IL1RAPL1: variants seen among roughly 807,000 people sequenced by gnomAD.
The protein encoded by IL1RAPL1 is interleukin-1 receptor accessory protein-like 1.
Under a neutral mutation model 48.4 loss-of-function variants are expected in IL1RAPL1, and 3 were observed. The ratio of observed to expected loss-of-function variants is 0.06; its 90% CI spans 0.03 to 0.16. The LOEUF (loss-of-function observed/expected upper bound fraction) is 0.16. Ranked by LOEUF, IL1RAPL1 falls within the 10% of genes least tolerant of loss-of-function variation. The pLI, the probability that IL1RAPL1 is intolerant of heterozygous loss-of-function variation, is 1.00. For synonymous variants in IL1RAPL1, 185 were observed against 187.7 expected, an observed-to-expected ratio of 0.99 and a Z score of 0.12; for missense variants, 349 against 530.6, an observed-to-expected ratio of 0.66 and a Z score of 3.36.
chrX:29,218,149 T>C (rs941520137), intron 2 of IL1RAPL1, among the ~76,000 whole-genome samples: 6 of 111,835 alleles, frequency 5.4e-5, no homozygotes, highest in African/African-American at 1.9e-4. Flanking sequence ...TAGTGCAGGA[T>C]TATGCTGAAG....
At position 28,897,518 on chromosome X, in the gene IL1RAPL1, A is replaced by T. The variant is rs189730907; in HGVS notation, c.82+108093A>T. On this transcript the variant is annotated intron_variant, in intron 2 of 10. Coordinates refer to ENST00000378993, the MANE Select transcript of IL1RAPL1 (RefSeq NM_014271.4). ...TGAAAGGAGAAAGAGGTTGAGGGAT[A>T]GTGAGAGAGGTTGGAGAAGAGAATA... 8.0e-5 allele frequency among the ~76,000 whole-genome samples: 9 copies of T among 111,813 alleles called. No individual in the cohort carries two copies. The East Asian group carries it at 2.6e-3, about 32-fold the overall frequency.
intron 5 of IL1RAPL1, among the ~76,000 whole-genome samples, chrX:29,540,259 T>C (rs1404255346): frequency 4.0e-5 from 4 of 100,586 alleles, no homozygotes; most frequent in African/African-American, 1.7e-4. Flanking sequence ...TGTAAAATAT[T>C]GCAAAAAAAA....
At chrX:29,731,506 C>G (rs1332419160) in intron 6 of IL1RAPL1, among the ~76,000 whole-genome samples, 2 of 112,243 alleles carry the variant, frequency 1.8e-5, no homozygotes, top group African/African-American at 6.5e-5. Flanking sequence ...AGGTGTCTAT[C>G]TGGCAGTCTT....
intron 5 of IL1RAPL1, among the ~76,000 whole-genome samples, chrX:29,584,886 C>T (rs1923105907): frequency 8.9e-6 from 1 of 112,150 alleles, no homozygotes; most frequent in South Asian, 3.7e-4. Flanking sequence ...ACACTTCACA[C>T]ACAGCTGATC....
chrX:29,311,189 A>G (rs1221938979), intron 3 of IL1RAPL1, among the ~76,000 whole-genome samples: 1 of 112,196 alleles, frequency 8.9e-6, no homozygotes, highest in Non-Finnish European at 1.9e-5. Context: ...TATTCTTACC[A>G]AATTCCAACC....
intron 1 of IL1RAPL1, among the ~76,000 whole-genome samples, chrX:28,607,952 C>T (rs999927011): frequency 8.1e-5 from 9 of 111,245 alleles, no homozygotes; most frequent in East Asian, 2.8e-4. Context: ...AGAGTTTGCA[C>T]GCAGAGGCTC....
intron 2 of IL1RAPL1, among the ~76,000 whole-genome samples, chrX:29,183,433 C>T (rs774461680): frequency 4.5e-5 from 5 of 111,644 alleles, no homozygotes; most frequent in Admixed American, 2.9e-4. Context: ...TCTGCCTAAG[C>T]ATCCTTATGG....
chrX:29,337,619 T>C (rs1294043909), intron 3 of IL1RAPL1, among the ~76,000 whole-genome samples: 1 of 111,888 alleles, frequency 8.9e-6, no homozygotes, highest in Admixed American at 9.5e-5. Context: ...AAGATTTTTT[T>C]TCTGTATTAA....
chrX:28,938,677 G>A (rs188896632), intron 2 of IL1RAPL1, among the ~76,000 whole-genome samples: 76 of 111,330 alleles, frequency 6.8e-4, no homozygotes, highest in Admixed American at 6.4e-3. Flanking sequence ...ATTGAAAAAC[G>A]GTATCTAATT....
intron 6 of IL1RAPL1, among the ~76,000 whole-genome samples, chrX:29,726,967 G>A (rs1182596709): frequency 8.9e-6 from 1 of 112,073 alleles, no homozygotes; most frequent in Non-Finnish European, 1.9e-5. Flanking sequence ...TGTCAAAGGT[G>A]GTACAGTCAG....
intron 1 of IL1RAPL1, among the ~76,000 whole-genome samples, chrX:28,724,030 G>A (rs1304556709): frequency 9.0e-6 from 1 of 111,497 alleles, no homozygotes; most frequent in African/African-American, 3.3e-5. Context: ...GGTCAGTTTT[G>A]GAATAAGTGT....
chrX:29,252,276 GAA>G (rs1208250005), intron 2 of IL1RAPL1, among the ~76,000 whole-genome samples: 1 of 47,721 alleles, frequency 2.1e-5, no homozygotes. Flanking sequence ...AATAGTAAAA[GAA>G]AAAAGAAAAA....
At chrX:28,907,936 A>G (rs1049449244) in intron 2 of IL1RAPL1, among the ~76,000 whole-genome samples, 6 of 111,910 alleles carry the variant, frequency 5.4e-5, no homozygotes, top group Non-Finnish European at 3.8e-5. Flanking sequence ...ACCTATTGAG[A>G]TTATCTGTTT....
intron 6 of IL1RAPL1, among the ~76,000 whole-genome samples, chrX:29,766,693 T>TTAATATA (rs892529713): frequency 1.2e-4 from 7 of 60,791 alleles, no homozygotes; most frequent in African/African-American, 2.3e-4. Flanking sequence ...AAAGTATATA[T>TTAATATA]TAATATATAA....
chrX:29,141,113 G>A (rs1034081625), intron 2 of IL1RAPL1, among the ~76,000 whole-genome samples: 1 of 110,452 alleles, frequency 9.1e-6, no homozygotes, highest in African/African-American at 3.3e-5. Flanking sequence ...GAATATAAAG[G>A]CACAGACACA....
intron 2 of IL1RAPL1, among the ~76,000 whole-genome samples, chrX:28,952,182 G>A (rs1035541516): frequency 9.1e-6 from 1 of 110,340 alleles, no homozygotes; most frequent in Non-Finnish European, 1.9e-5. Context: ...ATATATTTAA[G>A]GATTACTTAA....
At chrX:29,736,543 T>A (rs1445797240) in intron 6 of IL1RAPL1, among the ~76,000 whole-genome samples, 3 of 111,815 alleles carry the variant, frequency 2.7e-5, no homozygotes, top group African/African-American at 6.5e-5. Context: ...CTGGCCAACA[T>A]GGTGAAACCC....
intron 6 of IL1RAPL1, among the ~76,000 whole-genome samples, chrX:29,791,644 G>A (rs1051464903): frequency 9.3e-6 from 1 of 107,430 alleles, no homozygotes; most frequent in Non-Finnish European, 1.9e-5. Context: ...GGCTGGTCTC[G>A]ACCTCCTGAC....
At chrX:29,112,484 T>C (rs1178972773) in intron 2 of IL1RAPL1, among the ~76,000 whole-genome samples, 1 of 105,935 alleles carries the variant, frequency 9.4e-6, no homozygotes, top group African/African-American at 3.6e-5. Flanking sequence ...TTTTTTTTTT[T>C]CAATAGGAAC....
Sources: allele counts gnomAD v4.1 joint callset (sites outside exome capture counted in the v4.1 genomes callset), GRCh38; gene constraint gnomAD v4.1.1; transcripts MANE v1.5; gene names NCBI Gene and HGNC (gene_info 2026-07-23, HGNC 2026-07-21).